MACF1: variants seen among roughly 807,000 people sequenced by gnomAD.
The protein encoded by MACF1 is microtubule actin crosslinking factor 1.
Under a neutral mutation model 854.8 loss-of-function variants are expected in MACF1, and 193 were observed. The ratio of observed to expected loss-of-function variants is 0.23; its 90% CI spans 0.20 to 0.25. The LOEUF (loss-of-function observed/expected upper bound fraction) is 0.25. Ranked by LOEUF, MACF1 falls within the 10% of genes least tolerant of loss-of-function variation. The probability of loss-of-function intolerance (pLI) is 1.00; values close to 1 mark genes in which losing one functional copy is unlikely to be tolerated. For missense variants in MACF1, 7,722 were observed against 8,929.1 expected (o/e 0.86, Z 5.45); for synonymous variants, 3,185 against 3,226.7 (o/e 0.99, Z 0.44).
At chr1:39,167,346 G>T (rs533403790) in intron 2 of MACF1, among the ~76,000 whole-genome samples, 4 of 151,416 alleles carry the variant, frequency 2.6e-5, no homozygotes, top group African/African-American at 9.7e-5. Flanking sequence ...AGGCTGAGGC[G>T]GGTGGATCAC....
chr1:39,165,329 C>G (rs942800264), intron 2 of MACF1, among the ~76,000 whole-genome samples: 4 of 152,158 alleles, frequency 2.6e-5, no homozygotes, highest in Non-Finnish European at 4.4e-5. Flanking sequence ...TTTTACAGCA[C>G]TAGGCACCTA....
intron 2 of MACF1, among the ~76,000 whole-genome samples, chr1:39,095,956 T>G (rs993166871): frequency 6.7e-6 from 1 of 150,138 alleles, no homozygotes; most frequent in African/African-American, 2.5e-5. Flanking sequence ...ATCACTTGAG[T>G]CTGGGATATC....
chr1:39,292,962 G>T, intron 17 of MACF1, 119 bp downstream of exon 17: 1 of 714,518 alleles, frequency 1.4e-6, no homozygotes, highest in Middle Eastern at 2.4e-4. Flanking sequence ...TGCTTATTAG[G>T]TTATATCATT....
chr1:39,435,726 C>T lies in MACF1; in HGVS notation c.17953C>T (p.Leu5985=). 6.2e-7 allele frequency: 1 copy of T among 1,614,134 alleles called. No homozygotes were observed. The highest frequency in any genetic ancestry group is 8.5e-7 in the Non-Finnish European group (1 of 1,180,014). Residue 5985 remains leucine (L), a synonymous_variant, in exon 70 of 101, where the codon CTG becomes TTG. Coordinates refer to ENST00000564288, the MANE Select transcript of MACF1 (RefSeq NM_001394062.1). ...AAAGGAGGAGGTGCGCCAGCGAGCC[C>T]TGGCTCTGGATGAAGCCGTGTCCCA... The part of the protein sequence containing the change: ...QIKEEVRQRA[L]ALDEAVSQST...
chr1:39,357,438 G>A lies in MACF1; in HGVS notation c.11488G>A (p.Ala3830Thr), dbSNP rs1041848411. Residue 3830 changes from alanine to threonine, a missense_variant, in exon 45 of 101, where the codon GCC (alanine) becomes ACC (threonine). Coordinates refer to ENST00000564288, the MANE Select transcript of MACF1 (RefSeq NM_001394062.1). ...CATTCTGGCCACCCAGTCAGCTCAGGCCTTCTTGGATCAGCATGGCCACAA... is the reference window on the plus strand; with the variant it reads ...CATTCTGGCCACCCAGTCAGCTCAGACCTTCTTGGATCAGCATGGCCACAA... ...NFILATQSAQ[A>T]FLDQHGHNLT... 2 of 1,614,118 alleles carry A rather than the reference G, an allele frequency of 1.2e-6. No individual in the cohort carries two copies. The highest frequency in any genetic ancestry group is 3.3e-4 in the Middle Eastern group (2 of 6,062).
intron 2 of MACF1, among the ~76,000 whole-genome samples, chr1:39,118,716 C>T (rs149093547): frequency 2.6e-5 from 4 of 152,188 alleles, no homozygotes; most frequent in South Asian, 4.2e-4. Flanking sequence ...TCTTGTGTAG[C>T]TGTAGCACAG....
At chr1:39,265,011 T>TA (rs1169978270) in intron 6 of MACF1, among the ~76,000 whole-genome samples, 4 of 152,224 alleles carry the variant, frequency 2.6e-5, no homozygotes, top group African/African-American at 9.6e-5. Flanking sequence ...AAGCTTGTTT[T>TA]AAGGTATAGG....
At chr1:39,113,890 G>A (rs889617600) in intron 2 of MACF1, among the ~76,000 whole-genome samples, 9 of 152,086 alleles carry the variant, frequency 5.9e-5, no homozygotes, top group African/African-American at 2.2e-4. Flanking sequence ...ACAAAAATTA[G>A]CCAGGCATGG....
At chr1:39,266,281 G>C (rs1047986820) in intron 6 of MACF1, among the ~76,000 whole-genome samples, 8 of 152,156 alleles carry the variant, frequency 5.3e-5, no homozygotes, top group Admixed American at 6.5e-5. Context: ...CATAGTTCCA[G>C]GTTTCTTCAC....
At chr1:39,412,556 A>G (rs1408013049) in intron 58 of MACF1, 2 of 1,614,030 alleles carry the variant, frequency 1.2e-6, no homozygotes, top group East Asian at 4.5e-5. Flanking sequence ...CTGAGTCTGC[A>G]CCTGCTGGTT....
intron 92 of MACF1, among the ~76,000 whole-genome samples, chr1:39,461,409 T>A (rs984264050): frequency 2.0e-5 from 3 of 152,212 alleles, no homozygotes; most frequent in African/African-American, 7.2e-5. Flanking sequence ...TATTACCTTT[T>A]TTCGTTGCAT....
Position 39,334,321 on chromosome 1 carries a change from A to G in MACF1, c.7733A>G (p.Gln2578Arg). 1 of 1,614,156 alleles carries G rather than the reference A, an allele frequency of 6.2e-7. No homozygotes were observed. The highest frequency in any genetic ancestry group is 1.1e-5 in the South Asian group (1 of 91,084). ...SDLKREIQEV[Q>R]AFTGNFVDLI... ...CTGAAAAGAGAAATCCAGGAGGTTC[A>G]GGCCTTTACTGGAAACTTTGTGGAT... Residue 2578 changes from glutamine (Q) to arginine (R), a missense_variant, in exon 37 of 101, where the codon CAG (glutamine) becomes CGG (arginine). Physicochemically the swap from Gln to Arg is conservative, Grantham distance 43. This residue lies in a region of MACF1 where 1,531 missense variants were observed against 1,601.6 expected (regional missense o/e 0.96). Transcript: ENST00000564288.
rs1271446399 is a variant in MACF1 at position 39,465,061 on chromosome 1, C to A, written c.21754-34C>A. ...AAATGTTCTCTTTTTTTTTCCCCTC[C>A]TTTCCTCCATCCTTTACTCTTTACT... On this transcript the variant is annotated intron_variant, in intron 94 of 100. Transcript: ENST00000564288. 5 of 1,599,444 alleles carry A rather than the reference C, an allele frequency of 3.1e-6. No homozygotes were observed. In the African/African-American group the frequency reaches 4.0e-5, roughly 13 times the overall value.
At chr1:39,213,577 T>A (rs759283176) in intron 1 of MACF1, among the ~76,000 whole-genome samples, 19 of 152,204 alleles carry the variant, frequency 1.2e-4, no homozygotes, top group Non-Finnish European at 2.9e-5. Flanking sequence ...GCTCAGGCAG[T>A]TTACCCGCCT....
chr1:39,270,034 C>T (rs1185510391), intron 6 of MACF1, among the ~76,000 whole-genome samples: 2 of 152,214 alleles, frequency 1.3e-5, no homozygotes, highest in African/African-American at 4.8e-5. Context: ...GTCTGTTTAC[C>T]AGCTTCCCTG....
chr1:39,442,383 AT>A (rs1210961334), intron 76 of MACF1, 28 bp from the exon 77 acceptor site: 1 of 1,610,648 alleles, frequency 6.2e-7, no homozygotes, highest in Non-Finnish European at 8.5e-7. Context: ...TTCGTATTGA[AT>A]ATTCCCTTTC....
In MACF1 at chr1:39,254,388, C is replaced by T. The variant is rs1257261027; in HGVS notation, c.435+13C>T. The T allele has an allele frequency of 6.2e-7, 1 of 1,612,628 alleles. No individual in the cohort carries two copies. Among genetic ancestry groups the T allele is most frequent in the Non-Finnish European group, 8.5e-7 (1 of 1,178,650 alleles). ...AAAGCAGCGACAGGTAAGACCATCACATGCCTTCCCCATTCTTCCAGGCTG... is the reference window on the plus strand; with the variant it reads ...AAAGCAGCGACAGGTAAGACCATCATATGCCTTCCCCATTCTTCCAGGCTG... On this transcript the variant is annotated intron_variant, in intron 5 of 100. Transcript: ENST00000564288.
At chr1:39,462,428 G>A (rs1262751512) in intron 93 of MACF1, among the ~76,000 whole-genome samples, 1 of 152,102 alleles carries the variant, frequency 6.6e-6, no homozygotes, top group Non-Finnish European at 1.5e-5. Flanking sequence ...AAATGGACTG[G>A]GCATGGTGGC....
chr1:39,429,783 C>CCT (rs755014913), intron 64 of MACF1, 44 bp from the exon 65 acceptor site: 1 of 1,597,338 alleles, frequency 6.3e-7, no homozygotes, highest in Non-Finnish European at 8.6e-7. Flanking sequence ...ACTCCTCATT[C>CCT]CTAGGTCTCT....
Sources: gnomAD v4.1 joint callset for allele counts (sites outside exome capture counted in the v4.1 genomes callset) on GRCh38, gnomAD v4.1.1 for gene constraint, gnomAD v4.1.1 regional missense constraint, MANE v1.5 for transcripts, NCBI Gene and HGNC (gene_info 2026-07-23, HGNC 2026-07-21) for gene names.